The following MRPL3 variants were observed in gnomAD, a reference collection of about 807,000 sequenced individuals.
The protein encoded by MRPL3 is large ribosomal subunit protein uL3m.
Under a neutral mutation model 44.3 loss-of-function variants are expected in MRPL3, and 43 were observed. The observed-to-expected ratio is 0.97, with a 90% CI of 0.76 to 1.25. MRPL3 has a LOEUF of 1.25. MRPL3 is among the 50% of genes most tolerant of loss of function. The probability of loss-of-function intolerance (pLI) is 0.00; values close to 1 mark genes in which losing one functional copy is unlikely to be tolerated. For missense variants in MRPL3, 406 were observed against 427.6 expected (o/e 0.95, Z 0.45); for synonymous variants, 171 against 152.3 (o/e 1.12, Z -0.91).
intron 8 of MRPL3, 86 bp downstream of exon 8, chr3:131,469,610 T>G: frequency 1.1e-6 from 1 of 922,328 alleles, no homozygotes; most frequent in Non-Finnish European, 1.7e-6. Flanking sequence ...AGAACAATGG[T>G]ACAGACACAG....
intron 6 of MRPL3, among the ~76,000 whole-genome samples, chr3:131,475,412 C>T (rs1379839450): frequency 1.3e-5 from 2 of 152,146 alleles, no homozygotes; most frequent in Non-Finnish European, 2.9e-5. Context: ...GTAATCCCAG[C>T]ACTTTGGGAA....
At chr3:131,487,807 A>C (rs1934163006) in intron 5 of MRPL3, 67 bp from the exon 6 acceptor site, 1 of 1,294,264 alleles carries the variant, frequency 7.7e-7, no homozygotes, top group Non-Finnish European at 1.1e-6. Context: ...TATTCAACAT[A>C]AACTATATCC....
intron 6 of MRPL3, among the ~76,000 whole-genome samples, chr3:131,472,647 C>T (rs974029277): frequency 1.3e-5 from 2 of 151,930 alleles, no homozygotes; most frequent in South Asian, 4.2e-4. Flanking sequence ...GAAGTTGTCC[C>T]ATTTGCAGAT....
chr3:131,479,106 G>C (rs767364690), intron 6 of MRPL3: 4 of 515,354 alleles, frequency 7.8e-6, no homozygotes, highest in Non-Finnish European at 1.2e-5. Flanking sequence ...GAAATGTTTA[G>C]AGTCCTGCAA....
intron 6 of MRPL3, among the ~76,000 whole-genome samples, chr3:131,483,475 A>C (rs1043283408): frequency 6.6e-6 from 1 of 152,124 alleles, no homozygotes; most frequent in Non-Finnish European, 1.5e-5. Flanking sequence ...TTGATGAAAA[A>C]CTATTGCTGA....
chr3:131,465,127 T>C (rs1933572213), intron 9 of MRPL3, among the ~76,000 whole-genome samples: 1 of 152,204 alleles, frequency 6.6e-6, no homozygotes. Flanking sequence ...ATTATACAAA[T>C]ATACTTGCTG....
chr3:131,467,820 A>G (rs1933647575), intron 9 of MRPL3, among the ~76,000 whole-genome samples: 1 of 151,906 alleles, frequency 6.6e-6, no homozygotes, highest in Non-Finnish European at 1.5e-5. Context: ...ACACAGCCTT[A>G]CCCTTTTTAC....
At chr3:131,474,765 ATT>A (rs372689423) in intron 6 of MRPL3, among the ~76,000 whole-genome samples, 2,600 of 137,834 alleles carry the variant, frequency 0.019, 43 homozygotes, top group East Asian at 0.074. Flanking sequence ...AGACTTTTTA[ATT>A]TTTTTTTTTT....
intron 4 of MRPL3, among the ~76,000 whole-genome samples, chr3:131,496,783 A>C (rs1934378781): frequency 6.6e-6 from 1 of 152,230 alleles, no homozygotes; most frequent in African/African-American, 2.4e-5. Flanking sequence ...TTAGTTAACT[A>C]ATTTAACAAT....
chr3:131,501,016 G>A (rs963801), intron 2 of MRPL3, among the ~76,000 whole-genome samples: 112,450 of 152,140 alleles, frequency 0.74, 42,805 homozygotes, highest in African/African-American at 0.9. Context: ...AGAAGTTTTG[G>A]TAACTATCCA....
chr3:131,477,195 G>T (rs1036420003), intron 6 of MRPL3, among the ~76,000 whole-genome samples: 7 of 152,094 alleles, frequency 4.6e-5, no homozygotes, highest in African/African-American at 1.7e-4. Flanking sequence ...ACTTGTCTAT[G>T]GGGATAAAAC....
chr3:131,472,147 T>C (rs1199410428), intron 6 of MRPL3, among the ~76,000 whole-genome samples: 1 of 152,164 alleles, frequency 6.6e-6, no homozygotes, highest in African/African-American at 2.4e-5. Flanking sequence ...GATAATGTGT[T>C]AGGCAGCAAT....
chr3:131,468,390 T>C (rs886666999), intron 8 of MRPL3, among the ~76,000 whole-genome samples: 1 of 152,142 alleles, frequency 6.6e-6, no homozygotes, highest in Admixed American at 6.6e-5. Context: ...TCATTTTAAA[T>C]AGAGATGTGA....
chr3:131,465,324 T>C (rs967728722), intron 9 of MRPL3, among the ~76,000 whole-genome samples: 2 of 152,204 alleles, frequency 1.3e-5, no homozygotes, highest in Non-Finnish European at 2.9e-5. Context: ...TTTACTGAAG[T>C]AGGCGATAAA....
At chr3:131,464,077 C>T (rs182105232) in intron 9 of MRPL3, among the ~76,000 whole-genome samples, 69 of 152,120 alleles carry the variant, frequency 4.5e-4, no homozygotes, top group Admixed American at 2.1e-3. Flanking sequence ...CCCCCCAATC[C>T]ATTAATCTTA....
chr3:131,491,565 T>A (rs1379738102), intron 4 of MRPL3, among the ~76,000 whole-genome samples: 2 of 152,080 alleles, frequency 1.3e-5, no homozygotes, highest in Non-Finnish European at 2.9e-5. Flanking sequence ...CAGGCCTTCT[T>A]CCAAATCTCA....
intron 5 of MRPL3, among the ~76,000 whole-genome samples, chr3:131,489,542 A>C (rs1260125392): frequency 6.6e-6 from 1 of 152,080 alleles, no homozygotes; most frequent in Non-Finnish European, 1.5e-5. Context: ...TTGACAGTCC[A>C]CGGATTAGGC....
chr3:131,474,311 T>C (rs572043584), intron 6 of MRPL3, among the ~76,000 whole-genome samples: 1 of 152,306 alleles, frequency 6.6e-6, no homozygotes, highest in Admixed American at 6.5e-5. Flanking sequence ...AAATAATGTA[T>C]GATCTCACTT....
intron 7 of MRPL3, among the ~76,000 whole-genome samples, chr3:131,470,617 G>GACAC (rs370195418): frequency 4.6e-5 from 7 of 150,978 alleles, no homozygotes; most frequent in South Asian, 4.2e-4. Flanking sequence ...ACAGAACTAA[G>GACAC]ACACACACAC....
Sources: allele counts gnomAD v4.1 joint callset (sites outside exome capture counted in the v4.1 genomes callset), GRCh38; gene constraint gnomAD v4.1.1; transcripts MANE v1.5; gene names NCBI Gene and HGNC (gene_info 2026-07-23, HGNC 2026-07-21).